Variants in CFAP61 observed in about 807,000 individuals in gnomAD.
The protein encoded by CFAP61 is cilia and flagella associated protein 61, also known as cilia- and flagella-associated protein 61.
In CFAP61, 107 loss-of-function variants were observed where a neutral mutation model predicts 135.6. That is an observed-to-expected ratio of 0.79 (90% CI 0.67 to 0.93). The LOEUF (loss-of-function observed/expected upper bound fraction) is 0.93. Ranked by LOEUF, CFAP61 falls within the 40% of genes least tolerant of loss-of-function variation. CFAP61 has a pLI of 0.00. For synonymous variants in CFAP61, 575 were observed against 578.5 expected (o/e 0.99, Z 0.09); for missense variants, 1,507 against 1,556.2 (o/e 0.97, Z 0.53).
At chr20:20,240,738 G>A (rs897650500) in intron 18 of CFAP61, among the ~76,000 whole-genome samples, 1 of 152,146 alleles carries the variant, frequency 6.6e-6, no homozygotes, top group Non-Finnish European at 1.5e-5. Flanking sequence ...AAACATCACT[G>A]TGTTTTCTTT....
chr20:20,188,946 T>C (rs558774698), intron 14 of CFAP61, among the ~76,000 whole-genome samples: 1 of 152,336 alleles, frequency 6.6e-6, no homozygotes, highest in African/African-American at 2.4e-5. Context: ...GAACTCTACA[T>C]AAATGGAATC....
intron 2 of CFAP61, among the ~76,000 whole-genome samples, chr20:20,063,530 A>G (rs1306846060): frequency 6.6e-6 from 1 of 152,242 alleles, no homozygotes; most frequent in Admixed American, 6.5e-5. Context: ...AGACAAAATC[A>G]TTCGATAAAA....
intron 6 of CFAP61, among the ~76,000 whole-genome samples, chr20:20,082,478 C>T (rs7265327): frequency 0.047 from 7,119 of 152,240 alleles, 558 homozygotes; most frequent in African/African-American, 0.16. Flanking sequence ...GGACACACCT[C>T]TAAAATCTAC....
chr20:20,298,534 C>T lies in CFAP61; in HGVS notation c.3422+148C>T, dbSNP rs2055819236. 1.4e-5 allele frequency: 10 copies of T among 694,462 alleles called. No homozygotes were observed. In the South Asian group the frequency reaches 1.7e-4, roughly 11 times the overall value. The allele number at this position is 694,462 out of a possible 1,614,324, so 43.0% of individuals were successfully genotyped here. On this transcript the variant is annotated intron_variant, in intron 25 of 26. Transcript: ENST00000245957. ...GCAGAGATTTCGTTCTAATGAAGAA[C>T]ACCTGACGCTAATGTGGGCTGGGGA...
Position 20,284,838 on chromosome 20 carries a change from G to A in CFAP61, c.2797-3771G>A, listed in dbSNP as rs571984558. 7.9e-5 allele frequency among the ~76,000 whole-genome samples: 12 copies of A among 152,304 alleles called. No individual in the cohort carries two copies. In the South Asian group the frequency reaches 2.5e-3, roughly 32 times the overall value. On this transcript the variant is annotated intron_variant, in intron 22 of 26. Transcript: ENST00000245957. The stretch of plus-strand genomic sequence containing the variant: ...TGTAATCTTTGTTTTAAGGTCATAT[G>A]TATTTTGAAGAATTAAAAAGAATAG...
At chr20:20,333,326 C>A (rs965870039) in intron 25 of CFAP61, among the ~76,000 whole-genome samples, 1 of 152,160 alleles carries the variant, frequency 6.6e-6, no homozygotes, top group African/African-American at 2.4e-5. Flanking sequence ...TCATTATCCC[C>A]GTTTTACAGC....
At chr20:20,285,202 G>A (rs970450629) in intron 22 of CFAP61, among the ~76,000 whole-genome samples, 4 of 151,124 alleles carry the variant, frequency 2.6e-5, no homozygotes, top group African/African-American at 9.7e-5. Context: ...CTGCTTTCAA[G>A]GTTTGCTCTT....
rs1441768204 is a variant in CFAP61, at chr20:20,187,952, ACT to A, written c.1413_1414del (p.Leu472GlyfsTer16). The A allele has an allele frequency of 2.5e-6, 4 of 1,613,166 alleles. No individual in the cohort carries two copies. Among genetic ancestry groups the A allele is most frequent in the Non-Finnish European group, 3.4e-6 (4 of 1,179,324 alleles). ...CAGGTCCATTAATATAAGATTTGCCACTCTCTTGGATACTCCTGGTGTGGAAA... is the reference window on the plus strand; with the variant it reads ...CAGGTCCATTAATATAAGATTTGCCACTCTTGGATACTCCTGGTGTGGAAA... ...LLKSINIRFATLLDTPGVENL... is the reference protein window; with the variant it reads ...LLKSINIRFAXLLDTPGVENL... On this transcript the variant is annotated frameshift_variant, in exon 14 of 27. Transcript: ENST00000245957. LOFTEE classifies it high-confidence loss of function.
intron 26 of CFAP61, among the ~76,000 whole-genome samples, chr20:20,358,725 G>A (rs1489938426): frequency 2.0e-5 from 3 of 152,132 alleles, no homozygotes; most frequent in South Asian, 2.1e-4. Context: ...CCAGCACCCC[G>A]TTGTGTCTTG....
Position 20,262,989 on chromosome 20 carries a change from C to T in CFAP61, c.2362C>T (p.His788Tyr), listed in dbSNP as rs1218680127. The T allele has an allele frequency of 2.5e-6, 4 of 1,613,572 alleles. No homozygotes were observed. In the African/African-American group the frequency reaches 4.0e-5, roughly 16 times the overall value. The change falls in exon 21 of 27, where the codon CAC becomes TAC. Residue 788 changes from histidine to tyrosine, a missense_variant. By Grantham distance (83) the His-to-Tyr change is moderately conservative (BLOSUM62 2). Coordinates refer to ENST00000245957, the MANE Select transcript of CFAP61 (RefSeq NM_015585.4). ...PCPTEADISQ[H>Y]LTNREVPNSS... ...CCCTACAGAGGCTGATATTAGTCAA[C>T]ACCTGACAAACAGGGAGGTTCCCAA...
intron 22 of CFAP61, among the ~76,000 whole-genome samples, chr20:20,278,009 C>A (rs1380152995): frequency 6.6e-6 from 1 of 152,206 alleles, no homozygotes; most frequent in African/African-American, 2.4e-5. Flanking sequence ...CCACCACATT[C>A]TATTTGCTAG....
At chr20:20,121,134 T>C (rs544462749) in intron 8 of CFAP61, among the ~76,000 whole-genome samples, 1 of 140,754 alleles carries the variant, frequency 7.1e-6, no homozygotes, top group Admixed American at 7.7e-5. Flanking sequence ...TGAGACAGGG[T>C]CTCCCTCTGT....
At chr20:20,201,838 G>A (rs980331351) in intron 17 of CFAP61, among the ~76,000 whole-genome samples, 2 of 152,206 alleles carry the variant, frequency 1.3e-5, no homozygotes, top group East Asian at 1.9e-4. Context: ...GGCAGCCCAC[G>A]GCTCCTGCAC....
chr20:20,189,190 C>T (rs62200345), intron 14 of CFAP61, among the ~76,000 whole-genome samples: 4,005 of 152,256 alleles, frequency 0.026, 84 homozygotes, highest in Non-Finnish European at 0.042. Context: ...ATGTCATATA[C>T]ACAAATGTTT....
intron 9 of CFAP61, among the ~76,000 whole-genome samples, chr20:20,143,740 A>T (rs1366438180): frequency 6.6e-6 from 1 of 152,206 alleles, no homozygotes; most frequent in Non-Finnish European, 1.5e-5. Flanking sequence ...CTTTAAGTCC[A>T]TGCAGACTAG....
chr20:20,212,888 G>T (rs1417260337), intron 17 of CFAP61, among the ~76,000 whole-genome samples: 2 of 152,148 alleles, frequency 1.3e-5, no homozygotes, highest in Admixed American at 6.5e-5. Context: ...CCATAAATAG[G>T]CACATCCCTG....
Position 20,303,590 on chromosome 20 carries a change from G to A in CFAP61, c.3422+5204G>A, listed in dbSNP as rs138490620. On this transcript the variant is annotated intron_variant, in intron 25 of 26. Transcript: ENST00000245957. ...GCCAGGTCCTAGTGCTAATTTTTGC[G>A]CCAGCACTCCTGCCCTGTCTGTTGT... 1.2e-4 allele frequency among the ~76,000 whole-genome samples: 18 copies of A among 152,180 alleles called. No homozygotes were observed. In the East Asian group the frequency reaches 1.5e-3, roughly 13 times the overall value.
intron 25 of CFAP61, among the ~76,000 whole-genome samples, chr20:20,309,788 T>C (rs1054260201): frequency 6.6e-6 from 1 of 152,122 alleles, no homozygotes; most frequent in African/African-American, 2.4e-5. Context: ...GGATAATTCA[T>C]GTGTGGAGGA....
intron 8 of CFAP61, among the ~76,000 whole-genome samples, chr20:20,131,645 A>G (rs1214541709): frequency 6.6e-6 from 1 of 151,388 alleles, no homozygotes; most frequent in African/African-American, 2.4e-5. Context: ...TCTTTCCTTT[A>G]TTAGTTCCCC....
Sources: allele counts gnomAD v4.1 joint callset (sites outside exome capture counted in the v4.1 genomes callset), GRCh38; gene constraint gnomAD v4.1.1; transcripts MANE v1.5; gene names NCBI Gene and HGNC (gene_info 2026-07-23, HGNC 2026-07-21).